The following PXDNL variants were observed in gnomAD, a reference collection of about 807,000 sequenced individuals.
PXDNL encodes the protein peroxidasin like.
A neutral mutation model predicts 150.8 loss-of-function variants in PXDNL; 145 were observed. The ratio of observed to expected loss-of-function variants is 0.96; its 90% CI spans 0.84 to 1.10. The LOEUF is 1.10. Ranked by LOEUF, PXDNL falls within the 50% of genes least tolerant of loss-of-function variation. The pLI is 0.00. For missense variants in PXDNL, 2,087 were observed against 1,873.9 expected, an observed-to-expected ratio of 1.11 and a Z score of -2.10; for synonymous variants, 757 against 725.7, an observed-to-expected ratio of 1.04 and a Z score of -0.69.
At chr8:51,383,074 C>A (rs372272908) in intron 17 of PXDNL, among the ~76,000 whole-genome samples, 40 of 152,166 alleles carry the variant, frequency 2.6e-4, no homozygotes, top group African/African-American at 8.2e-4. Context: ...TCATGTAGAG[C>A]CTATGTTTGG....
intron 2 of PXDNL, among the ~76,000 whole-genome samples, chr8:51,636,417 A>T (rs1266741882): frequency 6.6e-6 from 1 of 152,180 alleles, no homozygotes; most frequent in Non-Finnish European, 1.5e-5. Context: ...ATCTCTATTC[A>T]CAGATGGCAT....
At chr8:51,609,321 T>C (rs1458293655) in intron 2 of PXDNL, among the ~76,000 whole-genome samples, 1 of 152,224 alleles carries the variant, frequency 6.6e-6, no homozygotes, top group Admixed American at 6.5e-5. Context: ...TGGTAATTTA[T>C]AGAGTATGAG....
intron 12 of PXDNL, among the ~76,000 whole-genome samples, chr8:51,443,278 G>A (rs1809596554): frequency 6.6e-6 from 1 of 152,090 alleles, no homozygotes; most frequent in Non-Finnish European, 1.5e-5. Flanking sequence ...AGCATCTCTG[G>A]AGTGAAAAGA....
chr8:51,417,663 G>A (rs994360909), intron 14 of PXDNL, among the ~76,000 whole-genome samples: 15 of 152,002 alleles, frequency 9.9e-5, no homozygotes, highest in South Asian at 2.1e-4. Flanking sequence ...TGTAACTATC[G>A]TAACCAAATA....
intron 20 of PXDNL, among the ~76,000 whole-genome samples, chr8:51,343,990 T>C (rs554095925): frequency 2.4e-4 from 37 of 152,286 alleles, no homozygotes; most frequent in African/African-American, 8.9e-4. Context: ...ACCCTGGAAT[T>C]TACAGCTCTT....
At chr8:51,616,494 A>G (rs923963599) in intron 2 of PXDNL, among the ~76,000 whole-genome samples, 3 of 152,224 alleles carry the variant, frequency 2.0e-5, no homozygotes, top group Non-Finnish European at 2.9e-5. Flanking sequence ...ATCCATAGCT[A>G]TACAGATATC....
At chr8:51,428,280 A>G (rs1358563902) in intron 12 of PXDNL, among the ~76,000 whole-genome samples, 1 of 151,102 alleles carries the variant, frequency 6.6e-6, no homozygotes, top group Non-Finnish European at 1.5e-5. Context: ...TAAAGATGTC[A>G]TTTCTTTACA....
intron 4 of PXDNL, among the ~76,000 whole-genome samples, chr8:51,507,285 C>T (rs529459199): frequency 2.6e-5 from 4 of 152,264 alleles, no homozygotes; most frequent in South Asian, 4.2e-4. Context: ...GGATTCTCTA[C>T]CTAACTTTTG....
At chr8:51,630,271 T>C (rs539772037) in intron 2 of PXDNL, among the ~76,000 whole-genome samples, 1 of 152,234 alleles carries the variant, frequency 6.6e-6, no homozygotes, top group Non-Finnish European at 1.5e-5. Flanking sequence ...TTACACCATA[T>C]ATAAAAATAA....
chr8:51,675,585 G>C (rs963963170), intron 1 of PXDNL, among the ~76,000 whole-genome samples: 2 of 151,976 alleles, frequency 1.3e-5, no homozygotes, highest in Admixed American at 1.3e-4. Context: ...ATAAGGTCAG[G>C]AGTTCAAGAC....
intron 2 of PXDNL, among the ~76,000 whole-genome samples, chr8:51,593,553 G>A (rs972259736): frequency 6.6e-6 from 1 of 152,124 alleles, no homozygotes; most frequent in African/African-American, 2.4e-5. Flanking sequence ...CAAAATATTT[G>A]TTTTGTGGGG....
At chr8:51,728,075 A>G (rs1221185818) in intron 1 of PXDNL, among the ~76,000 whole-genome samples, 1 of 152,218 alleles carries the variant, frequency 6.6e-6, no homozygotes, top group African/African-American at 2.4e-5. Context: ...GATGGACCAC[A>G]TATGCACTGG....
intron 3 of PXDNL, among the ~76,000 whole-genome samples, chr8:51,578,431 T>C (rs1231903980): frequency 6.6e-6 from 1 of 151,976 alleles, no homozygotes; most frequent in Admixed American, 6.6e-5. Context: ...AAGCTTTAGA[T>C]AATGTTTATT....
intron 2 of PXDNL, among the ~76,000 whole-genome samples, chr8:51,614,231 T>C (rs958660178): frequency 6.6e-6 from 1 of 152,260 alleles, no homozygotes; most frequent in African/African-American, 2.4e-5. Context: ...TCAGTCATAT[T>C]AGTGTTGTTA....
intron 2 of PXDNL, among the ~76,000 whole-genome samples, chr8:51,594,942 A>T (rs1813531502): frequency 6.6e-6 from 1 of 152,214 alleles, no homozygotes; most frequent in Admixed American, 6.5e-5. Flanking sequence ...CAGCACAAGC[A>T]TAGGGAAATT....
Position 51,433,209 on chromosome 8 carries a change from A to AAATAATAATAAT in PXDNL, c.1526-6463_1526-6452dup, listed in dbSNP as rs71237206. On this transcript the variant is annotated intron_variant, in intron 12 of 22. Coordinates refer to ENST00000356297, the MANE Select transcript of PXDNL (RefSeq NM_144651.5). Reference sequence around the variant, plus strand: ...GGGTGACAGAGTAAGACTCTATCTCAAATAATAATAATAATAATAATAATA... The same window carrying AAATAATAATAAT: ...GGGTGACAGAGTAAGACTCTATCTCAAATAATAATAATAATAATAATAATAATAATAATAATA... Among the ~76,000 whole-genome samples, 357 of 144,152 alleles carry AAATAATAATAAT rather than the reference A, an allele frequency of 2.5e-3. 1 individual carries two copies. Among genetic ancestry groups the AAATAATAATAAT allele is most frequent in the African/African-American group, 5.5e-3 (217 of 39,266 alleles). 94.6% of individuals were successfully genotyped at this position (144,152 alleles called of 152,430 possible). A position where few individuals can be genotyped will look rare whatever the true frequency, so the allele number is the denominator to read the frequency against.
chr8:51,448,777 C>T (rs982867035), intron 11 of PXDNL, among the ~76,000 whole-genome samples: 2 of 152,098 alleles, frequency 1.3e-5, no homozygotes, highest in African/African-American at 2.4e-5. Context: ...ATCAGGAAAC[C>T]GAGTCCCAGA....
intron 19 of PXDNL, among the ~76,000 whole-genome samples, chr8:51,352,154 C>A (rs1255822994): frequency 6.6e-6 from 1 of 151,686 alleles, no homozygotes; most frequent in Non-Finnish European, 1.5e-5. Context: ...ATAATTCCCA[C>A]CATAAAAAAA....
Position 51,755,374 on chromosome 8 carries a change from A to C in PXDNL, c.164+53807T>G, listed in dbSNP as rs571655846. Among the ~76,000 whole-genome samples the C allele has an allele frequency of 7.9e-5, 12 of 152,042 alleles. No homozygotes were observed. In the East Asian group the frequency reaches 2.3e-3, roughly 29 times the overall value. On this transcript the variant is annotated intron_variant, in intron 1 of 22. Transcript: ENST00000356297. Reference sequence around the variant, plus strand: ...CAGGGGCACTATGTTGGCTCACTGCAATCCCCACCTCCTGGGTTCAAGCAA... The same window carrying C: ...CAGGGGCACTATGTTGGCTCACTGCCATCCCCACCTCCTGGGTTCAAGCAA...
Sources: gnomAD v4.1 joint callset for allele counts (sites outside exome capture counted in the v4.1 genomes callset) on GRCh38, gnomAD v4.1.1 for gene constraint, MANE v1.5 for transcripts, NCBI Gene and HGNC (gene_info 2026-07-23, HGNC 2026-07-21) for gene names.